Variants in TRIM60 observed in about 807,000 individuals in gnomAD.
TRIM60 encodes the protein tripartite motif-containing protein 60.
For synonymous variants in TRIM60, 189 were observed against 195.2 expected, an observed-to-expected ratio of 0.97 and a Z score of 0.27; for missense variants, 524 against 540.8, an observed-to-expected ratio of 0.97 and a Z score of 0.31.
Position 165,041,132 on chromosome 4 carries a change from G to T in TRIM60, c.1060G>T (p.Val354Leu), listed in dbSNP as rs1415531298. ...TAGTTCTGGCCGACATTACTGGGAA[G>T]TAGAAGTGGGAAACAAACCTAAATG... Reference protein sequence around the residue: ...RFSSGRHYWEVEVGNKPKWIL... With the variant: ...RFSSGRHYWELEVGNKPKWIL... Residue 354 changes from valine to leucine, a missense_variant, in exon 3 of 3, where the codon GTA becomes TTA. By Grantham distance (32) the Val-to-Leu change is conservative (BLOSUM62 1). Transcript: ENST00000512596. 1 of 1,614,222 alleles carries T rather than the reference G, an allele frequency of 6.2e-7. No individual in the cohort carries two copies. Among genetic ancestry groups the T allele is most frequent in the African/African-American group, 1.3e-5 (1 of 75,058 alleles).
chr4:165,034,870 CAA>C (rs1025231574), intron 1 of TRIM60, among the ~76,000 whole-genome samples: 7 of 152,150 alleles, frequency 4.6e-5, no homozygotes, highest in Admixed American at 4.6e-4. Flanking sequence ...GCTTTTAGAC[CAA>C]AATAGTACTA....
intron 1 of TRIM60, among the ~76,000 whole-genome samples, chr4:165,036,553 A>G (rs934765433): frequency 8.5e-5 from 13 of 152,164 alleles, no homozygotes; most frequent in Non-Finnish European, 1.8e-4. Context: ...AAGGCTATGC[A>G]CTAATGTGAA....
rs1473477628 is a variant in TRIM60, at chr4:165,041,468, G to A, written c.1396G>A (p.Val466Ile). Reference sequence around the variant, plus strand: ...TTCCGAACCTCTTAAAATCTGCTCAGTATCAGATTCTGAAAGATAAGGAAC... The same window carrying A: ...TTCCGAACCTCTTAAAATCTGCTCAATATCAGATTCTGAAAGATAAGGAAC... ...TDSEPLKICS[V>I]SDSER Residue 466 changes from valine to isoleucine, a missense_variant, in exon 3 of 3, where the codon GTA (valine) becomes ATA (isoleucine). Val to Ile is a conservative substitution (Grantham distance 29, BLOSUM62 3). Transcript: ENST00000512596. The A allele has an allele frequency of 3.2e-6, 5 of 1,558,166 alleles. No individual in the cohort carries two copies. Among genetic ancestry groups the A allele is most frequent in the African/African-American group, 1.4e-5 (1 of 72,740 alleles).
At position 165,040,737 on chromosome 4, in the gene TRIM60, A is replaced by T. The variant is rs74866759; in HGVS notation, c.665A>T (p.Glu222Val). The T allele has an allele frequency of 1.2e-3, 2,005 of 1,614,144 alleles. 27 individuals are homozygous for T. In the South Asian group the frequency reaches 0.014, roughly 12 times the overall value. Residue 222 changes from glutamate (E) to valine (V), a missense_variant, in exon 3 of 3, where the codon GAA becomes GTA. Transcript: ENST00000512596. ...ILAKLNENLV[E>V]LSDYVSTLKH... is the part of the protein sequence containing the mutation. ...GCAAAACTAAATGAAAACCTTGTAG[A>T]ACTTTCAGATTATGTTTCCACATTA...
intron 1 of TRIM60, among the ~76,000 whole-genome samples, chr4:165,037,064 G>T (rs191585346): frequency 1.3e-5 from 2 of 151,508 alleles, no homozygotes; most frequent in South Asian, 2.1e-4. Context: ...TTAGCCAGGC[G>T]TGGTGGTGTG....
chr4:165,035,367 A>C (rs1733597743), intron 1 of TRIM60, among the ~76,000 whole-genome samples: 3 of 152,140 alleles, frequency 2.0e-5, no homozygotes, highest in Admixed American at 2.0e-4. Context: ...CCTGGCCAAC[A>C]ATTATGGTTT....
Position 165,041,059 on chromosome 4 carries a change from C to A in TRIM60, c.987C>A (p.Asp329Glu), listed in dbSNP as rs1227493902. ...YERKKRNICY[D>E]PRRFYVCPAV... Reference sequence around the variant, plus strand: ...GAAAAAAACGAAACATTTGTTATGACCCAAGGAGATTTTATGTCTGCCCTG... The same window carrying A: ...GAAAAAAACGAAACATTTGTTATGAACCAAGGAGATTTTATGTCTGCCCTG... The change falls in exon 3 of 3, where the codon GAC (aspartate) becomes GAA (glutamate). Residue 329 changes from aspartate to glutamate, a missense_variant. By Grantham distance (45) the Asp-to-Glu change is conservative. Transcript: ENST00000512596. 6.2e-7 allele frequency: 1 copy of A among 1,613,920 alleles called. No homozygotes were observed. The highest frequency in any genetic ancestry group is 8.5e-7 in the Non-Finnish European group (1 of 1,179,996).
intron 1 of TRIM60, among the ~76,000 whole-genome samples, chr4:165,037,970 C>T (rs781278256): frequency 7.3e-5 from 11 of 151,672 alleles, no homozygotes; most frequent in Non-Finnish European, 1.6e-4. Flanking sequence ...CTATCTCATT[C>T]ACCAGCTAAG....
chr4:165,040,535 A>G lies in TRIM60; in HGVS notation c.463A>G (p.Ile155Val), dbSNP rs1316432870. Residue 155 changes from isoleucine (I) to valine (V), a missense_variant, in exon 3 of 3, where the codon ATA becomes GTA. Ile to Val is a conservative substitution (Grantham distance 29). Transcript: ENST00000512596. ...TAGCCTTGAGCCCTTGAGGAATAAT[A>G]TAGAACGAGTTGAAAAAGTGATAAT... ...EGSLEPLRNN[I>V]ERVEKVIILQ... 3 of 1,614,142 alleles carry G rather than the reference A, an allele frequency of 1.9e-6. No homozygotes were observed. Among genetic ancestry groups the G allele is most frequent in the Admixed American group, 3.3e-5 (2 of 60,006 alleles).
At position 165,039,970 on chromosome 4, in the gene TRIM60, C is replaced by T. The variant is rs1733713590; in HGVS notation, c.-4-99C>T. The T allele has an allele frequency of 4.4e-6, 4 of 905,428 alleles. No homozygotes were observed. The South Asian group carries it at 5.2e-5, about 12-fold the overall frequency. The allele number at this position is 905,428 out of a possible 1,614,324, so 56.1% of individuals were successfully genotyped here. ...GTGAAACCTAAACCTGATCAATCTA[C>T]AAGGTCTGGGAGGGGTATCCACTTC... On this transcript the variant is annotated intron_variant, in intron 2 of 2. Coordinates refer to ENST00000512596, the MANE Select transcript of TRIM60 (RefSeq NM_152620.3).
At position 165,037,167 on chromosome 4, in the gene TRIM60, C is replaced by G. The variant is rs371068825; in HGVS notation, c.-56-2034C>G. 2.1e-4 allele frequency among the ~76,000 whole-genome samples: 32 copies of G among 152,120 alleles called. No individual in the cohort carries two copies. The East Asian group carries it at 2.7e-3, about 13-fold the overall frequency. ...AGTGAGCCGAGACTGCACCATTGCA[C>G]TCCAGCCTGGGCAACGAGAGCAAAA... On this transcript the variant is annotated intron_variant, in intron 1 of 2. Transcript: ENST00000512596.
At position 165,040,665 on chromosome 4, in the gene TRIM60, A is replaced by G; in HGVS notation, c.593A>G (p.Gln198Arg). Residue 198 changes from glutamine (Q) to arginine (R), a missense_variant, in exon 3 of 3, where the codon CAA (glutamine) becomes CGA (arginine). Transcript: ENST00000512596. ...EQIRLFLQNE[Q>R]EMILRQIQDE... is the part of the protein sequence containing the mutation. ...ATAAGATTGTTTTTACAGAATGAACAAGAGATGATTCTTAGGCAGATACAA... is the reference window on the plus strand; with the variant it reads ...ATAAGATTGTTTTTACAGAATGAACGAGAGATGATTCTTAGGCAGATACAA... 6.2e-7 allele frequency: 1 copy of G among 1,613,976 alleles called. No homozygotes were observed. Among genetic ancestry groups the G allele is most frequent in the Non-Finnish European group, 8.5e-7 (1 of 1,179,940 alleles).
chr4:165,041,276 A>G lies in TRIM60; in HGVS notation c.1204A>G (p.Lys402Glu). ...GAGTGGTTATGTTGCGTCAGGTCCTAAGACAACCCAGCTTCTGCCAGTAGT... is the reference window on the plus strand; with the variant it reads ...GAGTGGTTATGTTGCGTCAGGTCCTGAGACAACCCAGCTTCTGCCAGTAGT... ...MKSGYVASGP[K>E]TTQLLPVVKP... The change falls in exon 3 of 3, where the codon AAG becomes GAG. Residue 402 changes from lysine to glutamate, a missense_variant. By Grantham distance (56) the Lys-to-Glu change is moderately conservative (BLOSUM62 1). Coordinates refer to ENST00000512596, the MANE Select transcript of TRIM60 (RefSeq NM_152620.3). The G allele has an allele frequency of 6.2e-7, 1 of 1,614,214 alleles. No individual in the cohort carries two copies. Among genetic ancestry groups the G allele is most frequent in the Non-Finnish European group, 8.5e-7 (1 of 1,180,046 alleles).
In TRIM60 at chr4:165,040,994, C is replaced by T; in HGVS notation, c.922C>T (p.Leu308Phe). 6.2e-7 allele frequency: 1 copy of T among 1,614,078 alleles called. No homozygotes were observed. The highest frequency in any genetic ancestry group is 8.5e-7 in the Non-Finnish European group (1 of 1,179,938). Residue 308 changes from leucine to phenylalanine, a missense_variant, in exon 3 of 3, where the codon CTT (leucine) becomes TTT (phenylalanine). Physicochemically the swap from Leu to Phe is conservative, Grantham distance 22. Transcript: ENST00000512596. ...ILDLNTAHPQLLVSEDRKAVR... is the reference protein window; with the variant it reads ...ILDLNTAHPQFLVSEDRKAVR... ...AGATCTCAACACAGCACATCCTCAA[C>T]TTCTTGTCTCTGAGGATAGAAAAGC...
intron 1 of TRIM60, among the ~76,000 whole-genome samples, chr4:165,034,132 C>T (rs1733566220): frequency 1.3e-5 from 2 of 150,826 alleles, no homozygotes; most frequent in African/African-American, 4.9e-5. Flanking sequence ...GTTCCCTGCA[C>T]CTTTTTATTT....
intron 1 of TRIM60, among the ~76,000 whole-genome samples, chr4:165,038,823 C>T (rs997159589): frequency 4.0e-5 from 6 of 151,788 alleles, no homozygotes; most frequent in African/African-American, 1.5e-4. Flanking sequence ...CCTGTAATTC[C>T]AGCACTTTGG....
intron 1 of TRIM60, among the ~76,000 whole-genome samples, chr4:165,036,745 G>A (rs1733630882): frequency 6.6e-6 from 1 of 151,906 alleles, no homozygotes; most frequent in South Asian, 2.1e-4. Flanking sequence ...GCCGGTCATG[G>A]TGGCAGGCAC....
chr4:165,039,935 T>C, intron 2 of TRIM60, 134 bp from the exon 3 acceptor site: 1 of 641,894 alleles, frequency 1.6e-6, no homozygotes, highest in Non-Finnish European at 2.7e-6. Flanking sequence ...GCCACCAGCA[T>C]GCTAGGCTAG....
rs60221283 is a variant in TRIM60 at position 165,040,162 on chromosome 4, C to T, written c.90C>T (p.Asn30=). Residue 30 remains asparagine (N), a synonymous_variant, in exon 3 of 3, where the codon AAC becomes AAT. Transcript: ENST00000512596. The part of the protein sequence containing the change: ...LEYLKDPVTI[N]CGHNFCRSCL... ...ACTTGAAAGACCCAGTGACCATCAA[C>T]TGTGGGCACAACTTCTGTCGCTCCT... 832 of 1,614,146 alleles carry T rather than the reference C, an allele frequency of 5.2e-4. 9 individuals are homozygous for T. The East Asian group carries it at 0.018, about 35-fold the overall frequency.
Sources: allele counts gnomAD v4.1 joint callset (sites outside exome capture counted in the v4.1 genomes callset), GRCh38; gene constraint gnomAD v4.1.1; transcripts MANE v1.5; gene names NCBI Gene and HGNC (gene_info 2026-07-23, HGNC 2026-07-21).